GDF1: variants seen among roughly 807,000 people sequenced by gnomAD.
GDF1 encodes the protein growth differentiation factor 1.
In GDF1, 8 loss-of-function variants were observed where a neutral mutation model predicts 7.4. The ratio of observed to expected loss-of-function variants is 1.09; its 90% CI spans 0.64 to 1.96. The LOEUF is 1.96. Ranked by LOEUF, GDF1 falls within the 30% of genes most tolerant of loss-of-function variation. The probability of loss-of-function intolerance (pLI) is 0.00; values close to 1 mark genes in which losing one functional copy is unlikely to be tolerated. For synonymous variants in GDF1, 311 were observed against 276.7 expected (o/e 1.12, Z -1.23); for missense variants, 574 against 551.5 (o/e 1.04, Z -0.41).
At chr19:18,876,217 T>C (rs1248544006) in intron 6 of GDF1, among the ~76,000 whole-genome samples, 5 of 152,182 alleles carry the variant, frequency 3.3e-5, no homozygotes, top group African/African-American at 1.2e-4. Context: ...AACTCCTGAC[T>C]TCAAGTGATC....
rs1299007695 is a variant in GDF1 at position 18,895,142 on chromosome 19, AC to A, written c.-1074+681del. Among the ~76,000 whole-genome samples the A allele has an allele frequency of 6.6e-6, 1 of 152,202 alleles. No individual in the cohort carries two copies. The highest frequency in any genetic ancestry group is 2.4e-5 in the African/African-American group (1 of 41,458). ...GGGCCATGTCACCTCCAAGGGAGCG[AC>A]CACTGGCGTGGCCAGAGCACCCAGG... is the stretch of plus-strand genomic sequence containing the variant. On this transcript the variant is annotated intron_variant, in intron 1 of 7. Coordinates refer to ENST00000247005, the MANE Select transcript of GDF1 (RefSeq NM_001492.6). This position sits in a 1 kb window ranked among gnomAD's most constrained non-coding sequence, Gnocchi z 6.4.
intron 2 of GDF1, among the ~76,000 whole-genome samples, chr19:18,887,347 G>C (rs1197604695): frequency 6.6e-6 from 1 of 152,186 alleles, no homozygotes; most frequent in African/African-American, 2.4e-5. Flanking sequence ...GCCAGGGGCT[G>C]GGGGAGAGGA....
At chr19:18,892,314 C>G (rs2056510192) in intron 2 of GDF1, among the ~76,000 whole-genome samples, 1 of 151,704 alleles carries the variant, frequency 6.6e-6, no homozygotes, top group South Asian at 2.1e-4. Flanking sequence ...CCATGCTGTG[C>G]TTAAAAACAT....
intron 2 of GDF1, among the ~76,000 whole-genome samples, chr19:18,885,522 T>G (rs148666653): frequency 0.31 from 43,204 of 138,228 alleles, 8,586 homozygotes; most frequent in Middle Eastern, 0.5. Flanking sequence ...TTTTTTTTTT[T>G]TTTTTTTTTT....
At chr19:18,885,068 G>C (rs1446818857) in intron 2 of GDF1, among the ~76,000 whole-genome samples, 1 of 152,124 alleles carries the variant, frequency 6.6e-6, no homozygotes, top group Non-Finnish European at 1.5e-5. Context: ...AAATTGAGCA[G>C]ATAGGACAGA....
At chr19:18,886,190 G>T (rs2056354134) in intron 2 of GDF1, among the ~76,000 whole-genome samples, 1 of 151,946 alleles carries the variant, frequency 6.6e-6, no homozygotes, top group Admixed American at 6.5e-5. Flanking sequence ...AGAGTTGCTT[G>T]AGTCCAGGAG....
In GDF1 at chr19:18,868,626, T is replaced by C. The variant is rs777860096; in HGVS notation, c.1090A>G (p.Met364Val). Residue 364 changes from methionine to valine, a missense_variant, in exon 8 of 8, where the codon ATG becomes GTG. Met to Val is a conservative substitution (Grantham distance 21). Transcript: ENST00000247005. ...CGGCAGCCGCACTCGTCCACCACCA[T>C]GTCCTCATACTGCCGCAGCACCACG... ...DNVVLRQYEDMVVDECGCR is the reference protein window; with the variant it reads ...DNVVLRQYEDVVVDECGCR 6 of 1,572,256 alleles carry C rather than the reference T, an allele frequency of 3.8e-6. No homozygotes were observed. Among genetic ancestry groups the C allele is most frequent in the Non-Finnish European group, 4.3e-6 (5 of 1,159,014 alleles).
intron 2 of GDF1, among the ~76,000 whole-genome samples, chr19:18,886,903 A>C (rs1179946606): frequency 2.6e-5 from 4 of 151,956 alleles, no homozygotes; most frequent in Non-Finnish European, 5.9e-5. Context: ...TCTCCTGCCC[A>C]CATCTCTCCA....
intron 3 of GDF1, among the ~76,000 whole-genome samples, chr19:18,881,241 C>CAA (rs1469665316): frequency 6.8e-6 from 1 of 147,282 alleles, no homozygotes; most frequent in Admixed American, 6.8e-5. Context: ...TTTTTTGAGA[C>CAA]AGAGTCTTGC....
In GDF1 at chr19:18,869,142, GC is replaced by G; in HGVS notation, c.573del (p.Pro192ArgfsTer47). 8 of 1,112,410 alleles carry G rather than the reference GC, an allele frequency of 7.2e-6. No homozygotes were observed. The highest frequency in any genetic ancestry group is 3.3e-5 in the South Asian group (1 of 30,628). 68.9% of individuals were successfully genotyped at this position (1,112,410 alleles called of 1,614,324 possible). A position where few individuals can be genotyped will look rare whatever the true frequency, so the allele number is the denominator to read the frequency against. ...CCCAGCAGCTCCGCGCGCACTGGCG[GC>G]CCCAGGGCGGGCACCAACTGGCGGA... ...VLLRQLVPAL[G>X]PPVRAELLGA... On this transcript the variant is annotated frameshift_variant, in exon 8 of 8. Transcript: ENST00000247005. LOFTEE classifies it low-confidence loss of function (END_TRUNC).
chr19:18,895,705 G>T lies in GDF1; in HGVS notation c.-1074+119C>A. The T allele has an allele frequency of 2.2e-6, 1 of 449,710 alleles. No individual in the cohort carries two copies. The highest frequency in any genetic ancestry group is 3.2e-6 in the Non-Finnish European group (1 of 309,314). The allele number at this position is 449,710 out of a possible 1,614,324, so 27.9% of individuals were successfully genotyped here. A position where few individuals can be genotyped will look rare whatever the true frequency, so the allele number is the denominator to read the frequency against. On this transcript the variant is annotated intron_variant, in intron 1 of 7. Coordinates refer to ENST00000247005, the MANE Select transcript of GDF1 (RefSeq NM_001492.6). This position sits in a 1 kb window ranked among gnomAD's most constrained non-coding sequence, Gnocchi z 6.4. ...CCGAGGCCCCCACCCACGTTCCGGC[G>T]ACCCCTTCATCCGCAGCAGCCAGCG... is the stretch of plus-strand genomic sequence containing the variant.
intron 2 of GDF1, among the ~76,000 whole-genome samples, 175 bp from the exon 3 acceptor site, chr19:18,884,442 G>A (rs1416489558): frequency 2.0e-5 from 3 of 150,792 alleles, no homozygotes; most frequent in Admixed American, 6.6e-5. Flanking sequence ...TCTTTGAGAC[G>A]GAGTCTCCCT....
chr19:18,889,257 CCA>C (rs897031928), intron 2 of GDF1, among the ~76,000 whole-genome samples: 49 of 152,098 alleles, frequency 3.2e-4, no homozygotes, highest in African/African-American at 1.2e-3. Context: ...CTGATCCTCT[CCA>C]TCCTGACTCT....
Position 18,879,307 on chromosome 19 carries a change from G to T in GDF1, c.-489C>A, listed in dbSNP as rs781327266. The T allele has an allele frequency of 6.2e-7, 1 of 1,612,754 alleles. No individual in the cohort carries two copies. Among genetic ancestry groups the T allele is most frequent in the South Asian group, 1.1e-5 (1 of 90,700 alleles). ...GCGCATTGAAGAAGAAGTAGAAGGG[G>T]ATGTCAGGCACCGTGCGCAGACTGC... On this transcript the variant is annotated 5_prime_UTR_variant, in exon 5 of 8. Coordinates refer to ENST00000247005, the MANE Select transcript of GDF1 (RefSeq NM_001492.6).
At chr19:18,873,211 T>C (rs2056005492) in intron 6 of GDF1, among the ~76,000 whole-genome samples, 1 of 152,122 alleles carries the variant, frequency 6.6e-6, no homozygotes, top group African/African-American at 2.4e-5. Context: ...AATTGGGGGC[T>C]GATTTGAGAT....
intron 2 of GDF1, among the ~76,000 whole-genome samples, chr19:18,892,867 A>G (rs28393572): frequency 3.9e-4 from 60 of 152,144 alleles, no homozygotes; most frequent in African/African-American, 1.4e-3. Flanking sequence ...TTAACTTCTG[A>G]GACACCCATA....
intron 1 of GDF1, among the ~76,000 whole-genome samples, chr19:18,894,744 G>T (rs1339859724): frequency 2.0e-5 from 3 of 152,176 alleles, no homozygotes; most frequent in African/African-American, 7.2e-5. Flanking sequence ...TCTCCCTCAT[G>T]TGGGTGATAT....
At chr19:18,884,013 C>T in intron 3 of GDF1, 74 bp downstream of exon 3, 1 of 1,484,940 alleles carries the variant, frequency 6.7e-7, no homozygotes, top group South Asian at 1.3e-5. Flanking sequence ...CTCCTCTGTG[C>T]CCCGCCGCAA....
At chr19:18,891,548 T>A (rs986238658) in intron 2 of GDF1, among the ~76,000 whole-genome samples, 3 of 149,246 alleles carry the variant, frequency 2.0e-5, no homozygotes, top group Non-Finnish European at 3.0e-5. Flanking sequence ...CTCCAATCAA[T>A]TGGACACAGC....
Sources: allele counts gnomAD v4.1 joint callset (sites outside exome capture counted in the v4.1 genomes callset), GRCh38; gene constraint gnomAD v4.1.1; non-coding constraint Gnocchi (gnomAD v3.1); transcripts MANE v1.5; gene names NCBI Gene and HGNC (gene_info 2026-07-23, HGNC 2026-07-21).